The following BACE2 variants were observed in gnomAD, a reference collection of about 807,000 sequenced individuals.
BACE2 encodes 56 kDa aspartic-like protease.
BACE2 carries 17 observed loss-of-function variants against 46.2 expected under a neutral mutation model. The observed-to-expected ratio is 0.37, with a 90% CI of 0.25 to 0.55. The LOEUF is 0.55. BACE2 is among the 20% of genes least tolerant of loss of function. BACE2 has a pLI of 0.82. For missense variants in BACE2, 595 were observed against 698.1 expected (o/e 0.85, Z 1.66); for synonymous variants, 277 against 295.9 (o/e 0.94, Z 0.66).
In BACE2 at chr21:41,280,194, G is replaced by T. The variant is rs2088532114; in HGVS notation, c.*4570G>T. 1 of 152,412 alleles carries T rather than the reference G, an allele frequency of 6.6e-6. No individual in the cohort carries two copies. Among genetic ancestry groups the T allele is most frequent in the Admixed American group, 6.5e-5 (1 of 15,284 alleles). 9.4% of individuals were successfully genotyped at this position (152,412 alleles called of 1,614,324 possible). ...GTCATGCACCTGGAAATTTGTAGGG[G>T]AGGGTCAAGCAACTGAGGCCAAAGG... On this transcript the variant is annotated 3_prime_UTR_variant, in exon 9 of 9. Coordinates refer to ENST00000330333, the MANE Select transcript of BACE2 (RefSeq NM_012105.5).
intron 2 of BACE2, among the ~76,000 whole-genome samples, chr21:41,236,849 A>G (rs1458273512): frequency 6.6e-6 from 1 of 152,210 alleles, no homozygotes; most frequent in African/African-American, 2.4e-5. Context: ...GTGTCCTTCA[A>G]AGGGTCGTGT....
intron 1 of BACE2, among the ~76,000 whole-genome samples, chr21:41,194,498 G>A (rs760554315): frequency 2.0e-5 from 3 of 152,158 alleles, no homozygotes; most frequent in Non-Finnish European, 4.4e-5. Flanking sequence ...AGGTTTCCTG[G>A]GGGACTTTAG....
At chr21:41,207,690 C>G (rs1054813863) in intron 1 of BACE2, among the ~76,000 whole-genome samples, 5 of 152,182 alleles carry the variant, frequency 3.3e-5, no homozygotes, top group African/African-American at 1.2e-4. Context: ...TCCAGCTCAC[C>G]TGTCACTGAA....
chr21:41,183,926 C>T (rs1568859147), intron 1 of BACE2: 2 of 167,024 alleles, frequency 1.2e-5, no homozygotes, highest in Non-Finnish European at 2.9e-5. Context: ...TCTAGGCATC[C>T]CAGATGCTAA....
chr21:41,199,928 A>G (rs960149234), intron 1 of BACE2, among the ~76,000 whole-genome samples: 21 of 151,638 alleles, frequency 1.4e-4, no homozygotes, highest in Non-Finnish European at 2.8e-4. Context: ...TGTCCTTGCG[A>G]CAGTTTGCTG....
At position 41,280,562 on chromosome 21, in the gene BACE2, C is replaced by T. The variant is rs2088536209; in HGVS notation, c.*4938C>T. 6.6e-6 allele frequency: 1 copy of T among 152,374 alleles called. No homozygotes were observed. The allele number at this position is 152,374 out of a possible 1,614,324, so 9.4% of individuals were successfully genotyped here. ...AACAGGGAATCTGCATTTCAGTAAG[C>T]TCCCCAGGTGAGGCTGCAGAGCAGA... On this transcript the variant is annotated 3_prime_UTR_variant, in exon 9 of 9. Transcript: ENST00000330333.
chr21:41,216,998 C>G (rs1312321610), intron 1 of BACE2, among the ~76,000 whole-genome samples: 1 of 152,140 alleles, frequency 6.6e-6, no homozygotes, highest in Non-Finnish European at 1.5e-5. Context: ...GTGGTGCGAT[C>G]TTGGCTTACT....
intron 7 of BACE2, among the ~76,000 whole-genome samples, chr21:41,253,418 G>A (rs377439414): frequency 0.01 from 1,461 of 145,052 alleles, 26 homozygotes; most frequent in African/African-American, 0.035. Flanking sequence ...CTCCAGCCTG[G>A]ACGACAGTGT....
At position 41,183,105 on chromosome 21, in the gene BACE2, T is replaced by C. The variant is rs561703053; in HGVS notation, c.312+14530T>C. On this transcript the variant is annotated intron_variant, in intron 1 of 8. Coordinates refer to ENST00000330333, the MANE Select transcript of BACE2 (RefSeq NM_012105.5). ...TGAGAACCATTCTACCATTTTATGA[T>C]TTTAAACCACACATTAAGCATATCC... 5.4e-5 allele frequency: 9 copies of C among 166,928 alleles called. No homozygotes were observed. In the South Asian group the frequency reaches 1.9e-3, roughly 35 times the overall value. The allele number at this position is 166,928 out of a possible 1,614,324, so 10.3% of individuals were successfully genotyped here.
At chr21:41,264,963 G>T (rs1988031123) in intron 8 of BACE2, among the ~76,000 whole-genome samples, 1 of 152,178 alleles carries the variant, frequency 6.6e-6, no homozygotes, top group South Asian at 2.1e-4. Context: ...CAGCCTGGGA[G>T]ACAGAGCAAG....
At position 41,248,677 on chromosome 21, in the gene BACE2, G is replaced by A. The variant is rs1466783506; in HGVS notation, c.985-2075G>A. 8.3e-4 allele frequency among the ~76,000 whole-genome samples: 126 copies of A among 152,242 alleles called. 3 individuals are homozygous for A. Among genetic ancestry groups the A allele is most frequent in the Admixed American group, 8.2e-3 (126 of 15,288 alleles). ...ATGGTCTGAGTGGAGAACATGGGAT[G>A]GATGAACCAACCACAGGGTGCTTTC... On this transcript the variant is annotated intron_variant, in intron 6 of 8. Transcript: ENST00000330333.
At chr21:41,235,708 G>A (rs959380509) in intron 2 of BACE2, among the ~76,000 whole-genome samples, 1 of 152,240 alleles carries the variant, frequency 6.6e-6, no homozygotes, top group Non-Finnish European at 1.5e-5. Context: ...TGGGCTTGAT[G>A]GTGTGCACCT....
chr21:41,168,342 G>A lies in BACE2; in HGVS notation c.79G>A (p.Ala27Thr), dbSNP rs1984456372. The A allele has an allele frequency of 2.2e-6, 3 of 1,372,122 alleles. No individual in the cohort carries two copies. The highest frequency in any genetic ancestry group is 9.4e-7 in the Non-Finnish European group (1 of 1,059,572). 85.0% of individuals were successfully genotyped at this position (1,372,122 alleles called of 1,614,324 possible). A position where few individuals can be genotyped will look rare whatever the true frequency, so the allele number is the denominator to read the frequency against. Residue 27 changes from alanine (A) to threonine (T), a missense_variant, in exon 1 of 9, where the codon GCG (alanine) becomes ACG (threonine). Coordinates refer to ENST00000330333, the MANE Select transcript of BACE2 (RefSeq NM_012105.5). Reference protein sequence around the residue: ...LLRAAPELAPAPFTLPLRVAA... With the variant: ...LLRAAPELAPTPFTLPLRVAA... The stretch of plus-strand genomic sequence containing the variant: ...GCGCGCCGCCCCGGAGCTGGCCCCC[G>A]CGCCCTTCACGCTGCCCCTCCGGGT...
chr21:41,188,551 C>T (rs1372545096), intron 1 of BACE2, among the ~76,000 whole-genome samples: 1 of 151,578 alleles, frequency 6.6e-6, no homozygotes, highest in Admixed American at 6.6e-5. Context: ...TGGTGGATTC[C>T]TACCCATCAC....
rs2088507915 is a variant in BACE2, at chr21:41,277,886, A to G, written c.*2262A>G. On this transcript the variant is annotated 3_prime_UTR_variant, in exon 9 of 9. Transcript: ENST00000330333. ...GCATGTCATTGGATGTGACATTTTG[A>G]TGAAAATACTGAAACTACAAAAGCA... is the stretch of plus-strand genomic sequence containing the variant. 6.6e-6 allele frequency: 1 copy of G among 152,202 alleles called. No individual in the cohort carries two copies. Among genetic ancestry groups the G allele is most frequent in the South Asian group, 2.1e-4 (1 of 4,828 alleles). 9.4% of individuals were successfully genotyped at this position (152,202 alleles called of 1,614,324 possible). A position where few individuals can be genotyped will look rare whatever the true frequency, so the allele number is the denominator to read the frequency against.
chr21:41,215,440 C>G (rs978737674), intron 1 of BACE2, among the ~76,000 whole-genome samples: 4 of 152,186 alleles, frequency 2.6e-5, no homozygotes, highest in African/African-American at 7.2e-5. Context: ...CTTTGCTGCT[C>G]TCACCCCATG....
At chr21:41,259,551 T>C (rs1044595903) in intron 8 of BACE2, among the ~76,000 whole-genome samples, 3 of 152,104 alleles carry the variant, frequency 2.0e-5, no homozygotes, top group African/African-American at 2.4e-5. Context: ...TATCTAGATT[T>C]AATATTTTGT....
At chr21:41,181,476 T>C (rs1327149899) in intron 1 of BACE2, 1 of 167,098 alleles carries the variant, frequency 6.0e-6, no homozygotes, top group African/African-American at 2.4e-5. Flanking sequence ...AGGTACCATA[T>C]ATGGTCTTTT....
intron 1 of BACE2, among the ~76,000 whole-genome samples, chr21:41,208,632 T>C (rs1986205046): frequency 6.6e-6 from 1 of 152,120 alleles, no homozygotes; most frequent in African/African-American, 2.4e-5. Flanking sequence ...AGAATTCTTC[T>C]GATTCTGATG....
Sources: gnomAD v4.1 joint callset for allele counts (sites outside exome capture counted in the v4.1 genomes callset) on GRCh38, gnomAD v4.1.1 for gene constraint, MANE v1.5 for transcripts, NCBI Gene and HGNC (gene_info 2026-07-23, HGNC 2026-07-21) for gene names.